Variants in CSK observed in about 807,000 individuals in gnomAD.
CSK encodes C-terminal Src kinase.
In CSK, 7 loss-of-function variants were observed where a neutral mutation model predicts 62.3. That is an observed-to-expected ratio of 0.11 (90% confidence interval 0.06 to 0.21). CSK has a LOEUF of 0.21. Ranked by LOEUF, CSK falls within the 10% of genes least tolerant of loss-of-function variation. CSK has a pLI of 1.00. For missense variants in CSK, 294 were observed against 613.5 expected, an observed-to-expected ratio of 0.48 and a Z score of 5.50; for synonymous variants, 237 against 246.0, an observed-to-expected ratio of 0.96 and a Z score of 0.34.
chr15:74,792,757 G>A (rs974825782), intron 1 of CSK, among the ~76,000 whole-genome samples: 2 of 152,180 alleles, frequency 1.3e-5, no homozygotes, highest in South Asian at 2.1e-4. Context: ...TCTTGTCTGC[G>A]GCCACTGACG....
chr15:74,795,064 C>T (rs12439525), intron 1 of CSK, among the ~76,000 whole-genome samples: 16,418 of 152,144 alleles, frequency 0.11, 1,517 homozygotes, highest in South Asian at 0.4. Flanking sequence ...CCCTCACCAT[C>T]GGCTTCCACC....
intron 1 of CSK, among the ~76,000 whole-genome samples, chr15:74,796,135 T>C (rs2063701497): frequency 1.3e-5 from 2 of 152,084 alleles, no homozygotes; most frequent in African/African-American, 4.8e-5. Flanking sequence ...TGAGAATCAC[T>C]TGAACCTGGG....
rs2063459727 is a variant in CSK, at chr15:74,782,980, T to C, written c.-66+260T>C. 6.6e-6 allele frequency among the ~76,000 whole-genome samples: 1 copy of C among 152,104 alleles called. No homozygotes were observed. Among genetic ancestry groups the C allele is most frequent in the Admixed American group, 6.5e-5 (1 of 15,282 alleles). On this transcript the variant is annotated intron_variant, in intron 1 of 12. Transcript: ENST00000220003. The surrounding 1 kb of genome is among the most constrained non-coding windows in gnomAD (Gnocchi z 5.7). ...TCTCGGGTCATCCCGAGTCCCCCCC[T>C]CTGTGGAGCTCAGAGTAGGAGGTGG...
chr15:74,787,446 C>T (rs919686753), intron 1 of CSK, among the ~76,000 whole-genome samples: 2 of 152,072 alleles, frequency 1.3e-5, no homozygotes, highest in African/African-American at 4.8e-5. Context: ...AAAAAAAATC[C>T]CATTTTTCCC....
intron 1 of CSK, among the ~76,000 whole-genome samples, chr15:74,797,449 A>C (rs1360914363): frequency 1.3e-5 from 2 of 152,120 alleles, no homozygotes; most frequent in Non-Finnish European, 2.9e-5. Context: ...CCAGCTACTC[A>C]GGAGGTGGAG....
intron 1 of CSK, chr15:74,788,531 T>C (rs2168519): frequency 0.65 from 98,229 of 152,270 alleles, 32,307 homozygotes; most frequent in Non-Finnish European, 0.72. Context: ...TCAGCTGTAA[T>C]TCCCGTGTTC....
Position 74,798,325 on chromosome 15 carries a change from T to G in CSK, c.15+13T>G. ...GTCAGCAATACAGGTACCACAGGGG[T>G]GAGGGTCTGGGACATGCAAGCATTC... On this transcript the variant is annotated intron_variant, in intron 2 of 12. Transcript: ENST00000220003. This position sits in a 1 kb window ranked among gnomAD's most constrained non-coding sequence, Gnocchi z 6.6. 1.3e-6 allele frequency: 2 copies of G among 1,587,554 alleles called. No homozygotes were observed. Among genetic ancestry groups the G allele is most frequent in the Non-Finnish European group, 1.7e-6 (2 of 1,164,922 alleles).
Position 74,798,060 on chromosome 15 carries a change from A to G in CSK, c.-65-173A>G, listed in dbSNP as rs367754084. The G allele has an allele frequency of 7.7e-4, 373 of 484,156 alleles. 5 individuals carry two copies. The South Asian group carries it at 9.7e-3, about 13-fold the overall frequency. The allele number at this position is 484,156 out of a possible 1,614,324, so 30.0% of individuals were successfully genotyped here. Reference sequence around the variant, plus strand: ...CTGCCCCTGGGGGTCCTCAGCCCTCATGCTCCTCTACCCAGTACCGTCAGC... The same window carrying G: ...CTGCCCCTGGGGGTCCTCAGCCCTCGTGCTCCTCTACCCAGTACCGTCAGC... On this transcript the variant is annotated intron_variant, in intron 1 of 12. Transcript: ENST00000220003. This position sits in a 1 kb window ranked among gnomAD's most constrained non-coding sequence, Gnocchi z 6.6.
At position 74,786,013 on chromosome 15, in the gene CSK, T is replaced by TTGTGTGTGTG. The variant is rs1555464578; in HGVS notation, c.-66+3314_-66+3323dup. Among the ~76,000 whole-genome samples, 84 of 47,716 alleles carry TTGTGTGTGTG rather than the reference T, an allele frequency of 1.8e-3. 2 individuals carry two copies. Among genetic ancestry groups the TTGTGTGTGTG allele is most frequent in the African/African-American group, 2.5e-3 (37 of 14,896 alleles). 31.3% of individuals were successfully genotyped at this position (47,716 alleles called of 152,430 possible). ...CTCTCTCTCTCTCTCTTTTTTTTTT[T>TTGTGTGTGTG]TGTGTGTGTGTGTGTGTGTGTGTGT... On this transcript the variant is annotated intron_variant, in intron 1 of 12. Coordinates refer to ENST00000220003, the MANE Select transcript of CSK (RefSeq NM_004383.3).
chr15:74,787,193 C>T (rs937104451), intron 1 of CSK, among the ~76,000 whole-genome samples: 10 of 152,174 alleles, frequency 6.6e-5, no homozygotes, highest in African/African-American at 1.7e-4. Context: ...AAATAGAATC[C>T]GCTAAGTAAT....
Position 74,801,508 on chromosome 15 carries a change from C to A in CSK, c.814-14C>A. The A allele has an allele frequency of 6.2e-7, 1 of 1,609,118 alleles. No homozygotes were observed. The highest frequency in any genetic ancestry group is 8.5e-7 in the Non-Finnish European group (1 of 1,176,980). ...ACGTCTGACCTCGGCCTGGTCTGTC[C>A]TTCCTGCCCCCAGGGGAGCCTTGTG... On this transcript the variant is annotated splice_polypyrimidine_tract_variant and intron_variant, in intron 9 of 12. Transcript: ENST00000220003.
In CSK at chr15:74,802,076, C is replaced by T; in HGVS notation, c.1163C>T (p.Pro388Leu). The T allele has an allele frequency of 6.2e-7, 1 of 1,613,836 alleles. No homozygotes were observed. Among genetic ancestry groups the T allele is most frequent in the Non-Finnish European group, 8.5e-7 (1 of 1,179,926 alleles). ...EIYSFGRVPY[P>L]RIPLKDVVPR... ...TACTCCTTTGGGCGAGTGCCTTATC[C>T]AAGAATTGTGAGTATGGGTACTGGG... is the stretch of plus-strand genomic sequence containing the variant. The change falls in exon 12 of 13, where the codon CCA (proline) becomes CTA (leucine). Residue 388 changes from proline to leucine, a missense_variant. This residue lies in a region of CSK where 66 missense variants were observed against 99.3 expected (regional missense o/e 0.66). Coordinates refer to ENST00000220003, the MANE Select transcript of CSK (RefSeq NM_004383.3).
intron 8 of CSK, 40 bp from the exon 9 acceptor site, chr15:74,800,972 C>T (rs1567219348): frequency 6.2e-7 from 1 of 1,612,788 alleles, no homozygotes. Context: ...AGGAGTGAGG[C>T]ACCAGCTTCC....
In CSK at chr15:74,800,689, G is replaced by T. The variant is rs1348912854; in HGVS notation, c.565G>T (p.Ala189Ser). Reference protein sequence around the residue: ...AQDEFYRSGWALNMKELKLLQ... With the variant: ...AQDEFYRSGWSLNMKELKLLQ... Reference sequence around the variant, plus strand: ...CTGGCCCCTCCCCACAGGCGGCTGGGCCCTGAACATGAAGGAGCTGAAGCT... The same window carrying T: ...CTGGCCCCTCCCCACAGGCGGCTGGTCCCTGAACATGAAGGAGCTGAAGCT... The change falls in exon 7 of 13, where the codon GCC becomes TCC. Residue 189 changes from alanine (A) to serine (S), a missense_variant. By Grantham distance (99) the Ala-to-Ser change is moderately conservative. This residue lies in a region of CSK where 202 missense variants were observed against 415.7 expected (regional missense o/e 0.49). Coordinates refer to ENST00000220003, the MANE Select transcript of CSK (RefSeq NM_004383.3). 1.3e-6 allele frequency: 2 copies of T among 1,554,392 alleles called. No individual in the cohort carries two copies. The highest frequency in any genetic ancestry group is 1.7e-6 in the Non-Finnish European group (2 of 1,148,258).
chr15:74,801,227 C>G, intron 9 of CSK, 125 bp downstream of exon 9: 2 of 1,048,414 alleles, frequency 1.9e-6, no homozygotes, highest in South Asian at 2.9e-5. Context: ...CAGGGCTGGG[C>G]TTTTGTCCTG....
At chr15:74,783,904 G>T (rs1363305838) in intron 1 of CSK, among the ~76,000 whole-genome samples, 4 of 152,234 alleles carry the variant, frequency 2.6e-5, no homozygotes, top group African/African-American at 9.6e-5. Context: ...GGGGTCACAT[G>T]GGAACCGTGG....
chr15:74,783,155 G>C (rs1175841619), intron 1 of CSK, among the ~76,000 whole-genome samples: 1 of 151,826 alleles, frequency 6.6e-6, no homozygotes, highest in East Asian at 1.9e-4. Context: ...GACCCTGCGG[G>C]CTGCAAGCAA....
chr15:74,788,537 T>C (rs1179852917), intron 1 of CSK: 1 of 152,382 alleles, frequency 6.6e-6, no homozygotes, highest in African/African-American at 2.4e-5. Context: ...GTAATTCCCG[T>C]GTTCTCATTC....
In CSK at chr15:74,798,776, C is replaced by T; in HGVS notation, c.129+48C>T. ...ACCATCCCACTGCTGGGCCTTCCCT[C>T]TGCAGGGGGAGGTGGGCCTGAGAGC... is the stretch of plus-strand genomic sequence containing the variant. On this transcript the variant is annotated intron_variant, in intron 3 of 12. Transcript: ENST00000220003. This position sits in a 1 kb window ranked among gnomAD's most constrained non-coding sequence, Gnocchi z 6.6. The T allele has an allele frequency of 6.2e-7, 1 of 1,607,332 alleles. No individual in the cohort carries two copies. The highest frequency in any genetic ancestry group is 8.5e-7 in the Non-Finnish European group (1 of 1,175,390).
Sources: allele counts gnomAD v4.1 joint callset (sites outside exome capture counted in the v4.1 genomes callset), GRCh38; gene constraint gnomAD v4.1.1; regional missense constraint gnomAD v4.1.1; non-coding constraint Gnocchi (gnomAD v3.1); transcripts MANE v1.5; gene names NCBI Gene and HGNC (gene_info 2026-07-23, HGNC 2026-07-21).